ZC3H12D: variants seen among roughly 807,000 people sequenced by gnomAD.
ZC3H12D encodes zinc finger CCCH-type containing 12D.
In ZC3H12D, 11 loss-of-function variants were observed where a neutral mutation model predicts 24.2. The observed-to-expected ratio is 0.46, with a 90% CI of 0.29 to 0.75. The LOEUF is 0.75. Ranked by LOEUF, ZC3H12D falls within the 30% of genes least tolerant of loss-of-function variation. The pLI is 0.11. For synonymous variants in ZC3H12D, 333 were observed against 341.8 expected, an observed-to-expected ratio of 0.97 and a Z score of 0.28; for missense variants, 740 against 767.7, an observed-to-expected ratio of 0.96 and a Z score of 0.43.
intron 2 of ZC3H12D, among the ~76,000 whole-genome samples, chr6:149,470,850 T>C (rs388335): frequency 0.36 from 55,537 of 152,170 alleles, 10,690 homozygotes; most frequent in African/African-American, 0.46. Context: ...TGCTCGAACG[T>C]CACACGTGGC....
chr6:149,474,575 GC>G lies in ZC3H12D; in HGVS notation c.-33del, dbSNP rs1289052423. 2 of 1,441,096 alleles carry G rather than the reference GC, an allele frequency of 1.4e-6. No homozygotes were observed. The highest frequency in any genetic ancestry group is 1.8e-6 in the Non-Finnish European group (2 of 1,086,852). 89.3% of individuals were successfully genotyped at this position (1,441,096 alleles called of 1,614,324 possible). On this transcript the variant is annotated 5_prime_UTR_variant, in exon 2 of 6. Transcript: ENST00000409806. The stretch of plus-strand genomic sequence containing the variant: ...CCCAGCGGCCACTGGCGCAGGTCCT[GC>G]CCCAGGCTTCCTCCTCTCAGAGCCC...
chr6:149,471,280 T>C (rs895387051), intron 2 of ZC3H12D, among the ~76,000 whole-genome samples: 5 of 152,230 alleles, frequency 3.3e-5, no homozygotes, highest in Non-Finnish European at 7.3e-5. Flanking sequence ...CAGAAACTTC[T>C]ACCTATTGTG....
rs148321696 is a variant in ZC3H12D, at chr6:149,474,923, C to T, written c.-70-310G>A. On this transcript the variant is annotated intron_variant, in intron 1 of 5. Transcript: ENST00000409806. ...CAGGCCAAACACAGGTTTCTTGTTT[C>T]TCAGACTCTGTGGGGGGCTGAATAG... Among the ~76,000 whole-genome samples the T allele has an allele frequency of 1.4e-4, 21 of 150,404 alleles. No individual in the cohort carries two copies. In the East Asian group the frequency reaches 4.1e-3, roughly 30 times the overall value.
Position 149,448,580 on chromosome 6 carries a change from T to G in ZC3H12D, c.*2103A>C, listed in dbSNP as rs548685370. ...CCCCCACCAAAAAAACCCACACATA[T>G]TATGAGGAAAATCCAACTTATTTAC... On this transcript the variant is annotated 3_prime_UTR_variant, in exon 6 of 6. Coordinates refer to ENST00000409806, the MANE Select transcript of ZC3H12D (RefSeq NM_207360.3). 6.6e-6 allele frequency: 1 copy of G among 152,094 alleles called. No homozygotes were observed. The highest frequency in any genetic ancestry group is 1.5e-5 in the Non-Finnish European group (1 of 67,980). 9.4% of individuals were successfully genotyped at this position (152,094 alleles called of 1,614,324 possible).
At position 149,450,734 on chromosome 6, in the gene ZC3H12D, G is replaced by A; in HGVS notation, c.1533C>T (p.Ile511=). 6.5e-7 allele frequency: 1 copy of A among 1,548,396 alleles called. No individual in the cohort carries two copies. The highest frequency in any genetic ancestry group is 1.2e-5 in the South Asian group (1 of 83,932). ...CGCTCTGGCATCTCTGTACCAGGAG[G>A]ATGAGCCTGGCGAGGTCTGAGAGCT... is the stretch of plus-strand genomic sequence containing the variant. The part of the protein sequence containing the change: ...FPELSDLARL[I]LLVQRCQSAG... Residue 511 remains isoleucine (I), a synonymous_variant, in exon 6 of 6, where the codon ATC becomes ATT. Coordinates refer to ENST00000409806, the MANE Select transcript of ZC3H12D (RefSeq NM_207360.3).
At chr6:149,455,849 C>T (rs1029813111) in intron 4 of ZC3H12D, among the ~76,000 whole-genome samples, 1 of 151,080 alleles carries the variant, frequency 6.6e-6, no homozygotes, top group Non-Finnish European at 1.5e-5. Context: ...CTGCAGTGAG[C>T]TGTGATCATG....
At chr6:149,461,748 A>G in intron 3 of ZC3H12D, 83 bp downstream of exon 3, 1 of 1,394,406 alleles carries the variant, frequency 7.2e-7, no homozygotes, top group Non-Finnish European at 9.7e-7. Context: ...CAAACAACTA[A>G]GTAGATATTT....
intron 2 of ZC3H12D, among the ~76,000 whole-genome samples, chr6:149,467,984 T>G (rs1169187385): frequency 2.0e-5 from 3 of 152,032 alleles, no homozygotes; most frequent in Admixed American, 2.0e-4. Context: ...TTGTTTTTGT[T>G]TTCTGTTTGT....
rs1775975975 is a variant in ZC3H12D, at chr6:149,456,121, G to A, written c.680+545C>T. ...CAAAAAATTAGCCAGGCATGGTGGT[G>A]CGTGCCTATAATCTCAGCTACTCGG... On this transcript the variant is annotated intron_variant, in intron 4 of 5. Coordinates refer to ENST00000409806, the MANE Select transcript of ZC3H12D (RefSeq NM_207360.3). This position sits in a 1 kb window ranked among gnomAD's most constrained non-coding sequence, Gnocchi z 4.3. 6.6e-6 allele frequency among the ~76,000 whole-genome samples: 1 copy of A among 151,080 alleles called. No homozygotes were observed. The highest frequency in any genetic ancestry group is 2.1e-4 in the South Asian group (1 of 4,776).
intron 1 of ZC3H12D, among the ~76,000 whole-genome samples, chr6:149,482,552 G>A (rs1050301941): frequency 2.0e-5 from 3 of 152,288 alleles, no homozygotes; most frequent in South Asian, 4.1e-4. Context: ...GGTTCGGGGC[G>A]GCCTGGAAGA....
Position 149,446,855 on chromosome 6 carries a change from T to TTC in ZC3H12D, c.*3826_*3827dup, listed in dbSNP as rs1400689795. On this transcript the variant is annotated 3_prime_UTR_variant, in exon 6 of 6. Transcript: ENST00000409806. ...TGCCAATTAGAGTGGCTTGTCTTGC[T>TTC]TCTACTCCTCAACCCCTGACATTCT... The TTC allele has an allele frequency of 6.6e-6, 1 of 152,174 alleles. No homozygotes were observed. The highest frequency in any genetic ancestry group is 1.5e-5 in the Non-Finnish European group (1 of 68,062). The allele number at this position is 152,174 out of a possible 1,614,324, so 9.4% of individuals were successfully genotyped here.
chr6:149,462,047 TCA>T, intron 2 of ZC3H12D, 77 bp from the exon 3 acceptor site: 1 of 1,504,324 alleles, frequency 6.6e-7, no homozygotes. Flanking sequence ...ATATCCTGGA[TCA>T]CAGTCTCATA....
At position 149,451,145 on chromosome 6, in the gene ZC3H12D, G is replaced by A; in HGVS notation, c.1122C>T (p.Gly374=). ...VPACSLTPRL[G]GPDWVSAGGR... ...CGCCCGCGGACACCCAGTCGGGCCC[G>A]CCCAGTCGGGGCGTGAGGCTGCAGG... The change falls in exon 6 of 6, where the codon GGC becomes GGT. Residue 374 remains glycine (G), a synonymous_variant. Transcript: ENST00000409806. 7.5e-7 allele frequency: 1 copy of A among 1,339,316 alleles called. No individual in the cohort carries two copies. Among genetic ancestry groups the A allele is most frequent in the Non-Finnish European group, 9.5e-7 (1 of 1,051,122 alleles). The allele number at this position is 1,339,316 out of a possible 1,614,324, so 83.0% of individuals were successfully genotyped here.
rs1296833731 is a variant in ZC3H12D, at chr6:149,456,926, G to A, written c.446-26C>T. 1.9e-6 allele frequency: 3 copies of A among 1,584,644 alleles called. No homozygotes were observed. Among genetic ancestry groups the A allele is most frequent in the Non-Finnish European group, 2.6e-6 (3 of 1,168,554 alleles). ...CTGAGGGCGGGGCGACGGAGACGCG[G>A]GTGAGGGCCCAAGGGCACCGCCCCT... On this transcript the variant is annotated intron_variant, in intron 3 of 5. Transcript: ENST00000409806. The surrounding 1 kb of genome is among the most constrained non-coding windows in gnomAD (Gnocchi z 4.3).
chr6:149,469,394 C>G (rs1776210293), intron 2 of ZC3H12D, among the ~76,000 whole-genome samples: 3 of 151,882 alleles, frequency 2.0e-5, no homozygotes, highest in South Asian at 4.2e-4. Flanking sequence ...GGAGGCGGAG[C>G]TTGCAGTGAG....
At chr6:149,479,898 C>T (rs979107804) in intron 1 of ZC3H12D, among the ~76,000 whole-genome samples, 4 of 152,152 alleles carry the variant, frequency 2.6e-5, no homozygotes, top group Admixed American at 2.0e-4. Context: ...TATCTTTTAC[C>T]TTGGCCCCCA....
rs1050290171 is a variant in ZC3H12D, at chr6:149,449,223, G to T, written c.*1460C>A. On this transcript the variant is annotated 3_prime_UTR_variant, in exon 6 of 6. Coordinates refer to ENST00000409806, the MANE Select transcript of ZC3H12D (RefSeq NM_207360.3). Reference sequence around the variant, plus strand: ...GAAGGTGGCAATAAACTCTGACTGAGCTCATGTCAGTTTTCTCCTAACCCA... The same window carrying T: ...GAAGGTGGCAATAAACTCTGACTGATCTCATGTCAGTTTTCTCCTAACCCA... The T allele has an allele frequency of 5.3e-5, 8 of 152,206 alleles. No homozygotes were observed. Among genetic ancestry groups the T allele is most frequent in the Non-Finnish European group, 1.2e-4 (8 of 68,058 alleles). The allele number at this position is 152,206 out of a possible 1,614,324, so 9.4% of individuals were successfully genotyped here.
At position 149,470,801 on chromosome 6, in the gene ZC3H12D, T is replaced by C. The variant is rs554149558; in HGVS notation, c.305+3438A>G. 1.2e-3 allele frequency among the ~76,000 whole-genome samples: 188 copies of C among 152,302 alleles called. 1 individual carries two copies. The highest frequency in any genetic ancestry group is 4.0e-3 in the African/African-American group (168 of 41,568). On this transcript the variant is annotated intron_variant, in intron 2 of 5. Transcript: ENST00000409806. ...TAAAATTAATTGAAAAAATAAAATA[T>C]AGAAGCCAGTTCCTTGGTTGCACTG...
intron 2 of ZC3H12D, among the ~76,000 whole-genome samples, chr6:149,465,908 T>A (rs931962958): frequency 2.6e-5 from 3 of 114,388 alleles, no homozygotes; most frequent in African/African-American, 1.4e-4. Flanking sequence ...GAGGGGGAGA[T>A]GGAGAAACAT....
Sources: allele counts gnomAD v4.1 joint callset (sites outside exome capture counted in the v4.1 genomes callset), GRCh38; gene constraint gnomAD v4.1.1; non-coding constraint Gnocchi (gnomAD v3.1); transcripts MANE v1.5; gene names NCBI Gene and HGNC (gene_info 2026-07-23, HGNC 2026-07-21).